Variants in CAMKMT observed in about 807,000 individuals in gnomAD.
CAMKMT encodes the protein CaM KMT.
In CAMKMT, 53 loss-of-function variants were observed where a neutral mutation model predicts 48.0. The observed-to-expected ratio is 1.10, with a 90% CI of 0.89 to 1.39. The LOEUF (loss-of-function observed/expected upper bound fraction) is 1.39, where lower values mean the gene tolerates loss of function less well. Among genes scored for constraint, CAMKMT ranks in the 40% most tolerant of loss-of-function variants. The probability of loss-of-function intolerance (pLI) is 0.00; values close to 1 mark genes in which losing one functional copy is unlikely to be tolerated. For synonymous variants in CAMKMT, 165 were observed against 152.3 expected (o/e 1.08, Z -0.61); for missense variants, 428 against 402.7 (o/e 1.06, Z -0.54).
At chr2:44,765,295 C>CGG (rs1680791473) in intron 9 of CAMKMT, among the ~76,000 whole-genome samples, 1 of 151,992 alleles carries the variant, frequency 6.6e-6, no homozygotes, top group African/African-American at 2.4e-5. Context: ...CTACACTATA[C>CGG]CTACAACATA....
intron 4 of CAMKMT, among the ~76,000 whole-genome samples, chr2:44,705,896 TCTAA>T (rs1414266205): frequency 7.9e-5 from 12 of 152,342 alleles, no homozygotes; most frequent in Middle Eastern, 3.4e-3. Flanking sequence ...CATTTACTTG[TCTAA>T]CTGTTTTTGA....
At chr2:44,417,117 C>T (rs879794033) in intron 3 of CAMKMT, among the ~76,000 whole-genome samples, 13 of 151,848 alleles carry the variant, frequency 8.6e-5, no homozygotes, top group African/African-American at 2.2e-4. Context: ...TTTTTATTCC[C>T]GAGTAGTATT....
At chr2:44,439,530 A>T (rs1666503571) in intron 3 of CAMKMT, among the ~76,000 whole-genome samples, 1 of 151,970 alleles carries the variant, frequency 6.6e-6, no homozygotes, top group Non-Finnish European at 1.5e-5. Context: ...CTTTCTGCTG[A>T]TACTGGATTC....
intron 7 of CAMKMT, among the ~76,000 whole-genome samples, chr2:44,739,803 G>A (rs1025529690): frequency 6.6e-6 from 1 of 152,202 alleles, no homozygotes. Flanking sequence ...TGCAAAGGAG[G>A]AATAGAGAAA....
chr2:44,509,650 C>T (rs1670437570), intron 3 of CAMKMT, among the ~76,000 whole-genome samples: 1 of 151,978 alleles, frequency 6.6e-6, no homozygotes, highest in South Asian at 2.1e-4. Flanking sequence ...AAATATGGTC[C>T]CTGGTATGGC....
chr2:44,665,974 TA>T, intron 3 of CAMKMT, among the ~76,000 whole-genome samples: 1 of 152,336 alleles, frequency 6.6e-6, no homozygotes, highest in East Asian at 1.9e-4. Flanking sequence ...GACTCAGAGT[TA>T]AAGCGGACTA....
intron 3 of CAMKMT, among the ~76,000 whole-genome samples, chr2:44,429,279 G>A (rs201645160): frequency 0.26 from 4,811 of 18,294 alleles, 228 homozygotes; most frequent in African/African-American, 0.38. Flanking sequence ...GTGTGTGTAT[G>A]TGTGTGTGTG....
At chr2:44,522,278 T>A (rs138916320) in intron 3 of CAMKMT, among the ~76,000 whole-genome samples, 4,290 of 152,292 alleles carry the variant, frequency 0.028, 199 homozygotes, top group African/African-American at 0.097. Flanking sequence ...TTGCTGGGAT[T>A]ACAGGCATGA....
At chr2:44,376,333 A>T (rs1679688665) in intron 2 of CAMKMT, among the ~76,000 whole-genome samples, 1 of 151,802 alleles carries the variant, frequency 6.6e-6, no homozygotes, top group African/African-American at 2.4e-5. Context: ...ACACATGAGA[A>T]TAGCTTGAAC....
At chr2:44,604,525 G>A (rs1671174013) in intron 3 of CAMKMT, among the ~76,000 whole-genome samples, 2 of 149,660 alleles carry the variant, frequency 1.3e-5, no homozygotes, top group African/African-American at 4.9e-5. Context: ...AGGGAGGGTT[G>A]TGGGTATAAG....
At chr2:44,525,578 A>G (rs765631644) in intron 3 of CAMKMT, among the ~76,000 whole-genome samples, 6 of 152,170 alleles carry the variant, frequency 3.9e-5, no homozygotes, top group African/African-American at 7.2e-5. Context: ...TTTTGAAAAT[A>G]TTACTATACA....
chr2:44,445,645 G>GTTTTTTT (rs869258613), intron 3 of CAMKMT, among the ~76,000 whole-genome samples: 25 of 101,416 alleles, frequency 2.5e-4, no homozygotes, highest in Non-Finnish European at 2.8e-4. Flanking sequence ...CAAAAGGGTA[G>GTTTTTTT]TTTTTTTTTT....
At chr2:44,638,668 T>A (rs1053042107) in intron 3 of CAMKMT, among the ~76,000 whole-genome samples, 1 of 152,230 alleles carries the variant, frequency 6.6e-6, no homozygotes, top group Non-Finnish European at 1.5e-5. Flanking sequence ...TGAGTAAAAT[T>A]ACATGGTATT....
intron 3 of CAMKMT, among the ~76,000 whole-genome samples, chr2:44,474,122 G>C (rs1036682454): frequency 4.6e-5 from 7 of 152,116 alleles, no homozygotes; most frequent in African/African-American, 1.7e-4. Flanking sequence ...CTTTGGAATT[G>C]TGAAATATCC....
At chr2:44,558,980 TATGG>T (rs1302080684) in intron 3 of CAMKMT, among the ~76,000 whole-genome samples, 1 of 147,470 alleles carries the variant, frequency 6.8e-6, no homozygotes, top group Non-Finnish European at 1.5e-5. Context: ...TGTATGTATG[TATGG>T]ATAGATAGAT....
intron 3 of CAMKMT, among the ~76,000 whole-genome samples, chr2:44,541,797 A>G (rs1387707216): frequency 6.6e-6 from 1 of 151,490 alleles, no homozygotes; most frequent in African/African-American, 2.4e-5. Flanking sequence ...GGATACATAT[A>G]TATTTTTACT....
At chr2:44,432,888 T>A (rs1012079392) in intron 3 of CAMKMT, among the ~76,000 whole-genome samples, 15 of 152,122 alleles carry the variant, frequency 9.9e-5, no homozygotes, top group African/African-American at 3.6e-4. Context: ...GATGTTACTG[T>A]TAATTTTCCG....
At chr2:44,585,573 A>C (rs1385446060) in intron 3 of CAMKMT, among the ~76,000 whole-genome samples, 1 of 152,228 alleles carries the variant, frequency 6.6e-6, no homozygotes, top group Non-Finnish European at 1.5e-5. Flanking sequence ...TGCATAAATA[A>C]TTGAAAATAA....
intron 3 of CAMKMT, among the ~76,000 whole-genome samples, chr2:44,586,226 A>G (rs1669851153): frequency 6.6e-6 from 1 of 152,140 alleles, no homozygotes; most frequent in Non-Finnish European, 1.5e-5. Flanking sequence ...GATCACTTGG[A>G]TAGAATTTTT....
Sources: allele counts gnomAD v4.1 joint callset (sites outside exome capture counted in the v4.1 genomes callset), GRCh38; gene constraint gnomAD v4.1.1; transcripts MANE v1.5; gene names NCBI Gene and HGNC (gene_info 2026-07-23, HGNC 2026-07-21).